The following PUDP variants were observed in gnomAD, a reference collection of about 807,000 sequenced individuals.
The protein encoded by PUDP is pseudouridine 5'-phosphatase.
In PUDP, 8 loss-of-function variants were observed where a neutral mutation model predicts 9.4. That is an observed-to-expected ratio of 0.85 (90% CI 0.50 to 1.53). The LOEUF is 1.53. PUDP is among the 40% of genes most tolerant of loss of function. The pLI is 0.00. For missense variants in PUDP, 188 were observed against 189.7 expected, an observed-to-expected ratio of 0.99 and a Z score of 0.05; for synonymous variants, 99 against 80.7, an observed-to-expected ratio of 1.23 and a Z score of -1.22.
chrX:6,994,944 T>A (rs1177645808), intron 1 of PUDP, among the ~76,000 whole-genome samples: 1 of 109,122 alleles, frequency 9.2e-6, no homozygotes, highest in Non-Finnish European at 1.9e-5. Context: ...GGTACTCTCA[T>A]AAAAAGAAGG....
intron 3 of PUDP, among the ~76,000 whole-genome samples, chrX:6,756,198 T>C (rs1199285704): frequency 9.1e-6 from 1 of 109,446 alleles, no homozygotes; most frequent in Admixed American, 9.8e-5. Context: ...AAACATAGAG[T>C]TCCCATAGGA....
chrX:7,131,768 C>A (rs1196511891), intron 1 of PUDP, among the ~76,000 whole-genome samples: 1 of 106,493 alleles, frequency 9.4e-6, no homozygotes, highest in African/African-American at 3.4e-5. Flanking sequence ...GCTCGCCAGG[C>A]TGTATGATGG....
At chrX:6,714,993 A>ATATG (rs1555907281) in intron 1 of PUDP, among the ~76,000 whole-genome samples, 5 of 104,922 alleles carry the variant, frequency 4.8e-5, no homozygotes, top group African/African-American at 1.4e-4. Context: ...ATATATATAT[A>ATATG]TGTGTGTGTG....
chrX:7,082,485 G>A (rs1400641749), intron 2 of PUDP, among the ~76,000 whole-genome samples: 1 of 112,100 alleles, frequency 8.9e-6, no homozygotes, highest in East Asian at 2.8e-4. Flanking sequence ...GGTTGACAAC[G>A]CAAAGTGGGA....
rs1930930358 is a variant in PUDP at position 7,077,102 on chromosome X, T to G, written c.510+118A>C. On this transcript the variant is annotated intron_variant, in intron 3 of 3. Transcript: ENST00000381077. ...CACATACCCAAGTTCTAGGGAGCAT[T>G]GCAAAGTGGCCTTCAACAGCACAAA... is the stretch of plus-strand genomic sequence containing the variant. The G allele has an allele frequency of 2.8e-6, 3 of 1,084,524 alleles. No homozygotes were observed. In the Admixed American group the frequency reaches 8.9e-5, roughly 32 times the overall value. The allele number at this position is 1,084,524 out of a possible 1,213,427, so 89.4% of individuals were successfully genotyped here. A position where few individuals can be genotyped will look rare whatever the true frequency, so the allele number is the denominator to read the frequency against.
chrX:6,769,136 G>A (rs1021527253), intron 3 of PUDP, among the ~76,000 whole-genome samples: 1 of 112,131 alleles, frequency 8.9e-6, no homozygotes, highest in African/African-American at 3.2e-5. Flanking sequence ...GTCTCCCAGC[G>A]AGTCTGTGTG....
At chrX:6,995,268 T>A (rs1929235085) in intron 1 of PUDP, among the ~76,000 whole-genome samples, 1 of 111,482 alleles carries the variant, frequency 9.0e-6, no homozygotes, top group South Asian at 3.7e-4. Flanking sequence ...GAAATTATCA[T>A]GACCACAAAA....
At position 6,742,798 on chromosome X, in the gene PUDP, C is replaced by A. The variant is rs769962676; in HGVS notation, c.*248-36332G>T. Among the ~76,000 whole-genome samples, 359 of 111,497 alleles carry A rather than the reference C, an allele frequency of 3.2e-3. 5 individuals are homozygous for A. Among genetic ancestry groups the A allele is most frequent in the African/African-American group, 0.011 (344 of 30,527 alleles). On this transcript the variant is annotated intron_variant and NMD_transcript_variant, in intron 3 of 3. Transcript: ENST00000655425. The stretch of plus-strand genomic sequence containing the variant: ...TCAAAACAAACAAACAAACAAAAAA[C>A]CAAAAACAAACACAAAAAAATTTTG...
intron 1 of PUDP, among the ~76,000 whole-genome samples, chrX:7,040,186 TG>T (rs747765785): frequency 9.0e-6 from 1 of 111,517 alleles, no homozygotes; most frequent in African/African-American, 3.3e-5. Context: ...GGCACTGGTG[TG>T]GGGGTGGGAT....
intron 3 of PUDP, among the ~76,000 whole-genome samples, chrX:6,934,102 C>G (rs1928253521): frequency 9.8e-6 from 1 of 101,539 alleles, no homozygotes. Flanking sequence ...GCAAGGCAGG[C>G]CAACGTTCAG....
intron 1 of PUDP, among the ~76,000 whole-genome samples, chrX:7,027,616 T>C (rs1362554052): frequency 7.0e-5 from 7 of 100,406 alleles, no homozygotes; most frequent in Non-Finnish European, 2.0e-5. Context: ...TATGAGAATA[T>C]AGAGAATATA....
chrX:6,844,295 C>T (rs948221241), intron 3 of PUDP, among the ~76,000 whole-genome samples: 1 of 113,007 alleles, frequency 8.8e-6, no homozygotes, highest in Non-Finnish European at 1.9e-5. Context: ...TTCCTCCTTG[C>T]TATGCAACAT....
intron 3 of PUDP, among the ~76,000 whole-genome samples, chrX:6,773,771 C>T (rs1361866654): frequency 1.8e-5 from 2 of 111,376 alleles, no homozygotes; most frequent in African/African-American, 6.5e-5. Context: ...ATGGCAATGA[C>T]CCGATGACCC....
At chrX:6,741,786 A>T (rs1454567982) in intron 3 of PUDP, among the ~76,000 whole-genome samples, 1 of 109,443 alleles carries the variant, frequency 9.1e-6, no homozygotes, top group Admixed American at 9.6e-5. Flanking sequence ...ATGCTTGTAT[A>T]AAGATTTCTC....
chrX:7,052,395 G>A (rs1228250087), intron 3 of PUDP, among the ~76,000 whole-genome samples: 2 of 110,996 alleles, frequency 1.8e-5, no homozygotes, highest in Admixed American at 9.6e-5. Context: ...ATATAGCAGC[G>A]ACTCAATGCA....
At chrX:6,844,200 T>C (rs1040390334) in intron 3 of PUDP, among the ~76,000 whole-genome samples, 4 of 112,927 alleles carry the variant, frequency 3.5e-5, no homozygotes, top group African/African-American at 1.3e-4. Context: ...GTGATTACAC[T>C]GGGTCCATCT....
chrX:6,922,343 CTG>C (rs1928037071), intron 3 of PUDP, among the ~76,000 whole-genome samples: 1 of 111,525 alleles, frequency 9.0e-6, no homozygotes, highest in Non-Finnish European at 1.9e-5. Flanking sequence ...CATTTCATGC[CTG>C]TATAAAAACA....
At chrX:7,071,777 A>T (rs868487993) in intron 3 of PUDP, among the ~76,000 whole-genome samples, 3 of 96,808 alleles carry the variant, frequency 3.1e-5, no homozygotes, top group Admixed American at 1.2e-4. Context: ...TGTACTCTCT[A>T]TTTTTTTTTT....
At chrX:6,922,705 T>A (rs911796282) in intron 3 of PUDP, among the ~76,000 whole-genome samples, 4 of 112,146 alleles carry the variant, frequency 3.6e-5, no homozygotes, top group Non-Finnish European at 7.5e-5. Context: ...TAGAAGAGAA[T>A]GTCCAAAGAA....
Sources: allele counts gnomAD v4.1 joint callset (sites outside exome capture counted in the v4.1 genomes callset), GRCh38; gene constraint gnomAD v4.1.1; transcripts MANE v1.5; gene names NCBI Gene and HGNC (gene_info 2026-07-23, HGNC 2026-07-21).